QRICH1: variants seen among roughly 807,000 people sequenced by gnomAD.
QRICH1 encodes the protein transcriptional regulator QRICH1.
In QRICH1, 16 loss-of-function variants were observed where a neutral mutation model predicts 87.1. The observed-to-expected ratio is 0.18, with a 90% CI of 0.12 to 0.28. QRICH1 has a LOEUF of 0.28. Ranked by LOEUF, QRICH1 falls within the 10% of genes least tolerant of loss-of-function variation. The probability of loss-of-function intolerance (pLI) is 1.00; values close to 1 mark genes in which losing one functional copy is unlikely to be tolerated. For missense variants in QRICH1, 647 were observed against 951.7 expected, an observed-to-expected ratio of 0.68 and a Z score of 4.21; for synonymous variants, 367 against 368.4, an observed-to-expected ratio of 1.00 and a Z score of 0.05.
chr3:49,063,852 G>GCCTGAGTGGCTGGGA lies in QRICH1; in HGVS notation c.310-5963_310-5962insTCCCAGCCACTCAGG, dbSNP rs2093449867. Among the ~76,000 whole-genome samples the GCCTGAGTGGCTGGGA allele has an allele frequency of 3.3e-5, 5 of 152,206 alleles. No individual in the cohort carries two copies. The South Asian group carries it at 8.3e-4, about 25-fold the overall frequency. ...GACCCAAAAGAACTTGTTTACATAG[G>GCCTGAGTGGCTGGGA]TTATATCTAGTAATATTTACTTGTA... On this transcript the variant is annotated intron_variant, in intron 2 of 9. Coordinates refer to ENST00000395443, the MANE Select transcript of QRICH1 (RefSeq NM_198880.3).
At position 49,057,499 on chromosome 3, in the gene QRICH1, C is replaced by T. The variant is rs897524034; in HGVS notation, c.701G>A (p.Arg234Gln). ...GAGGACACTGGCCGTGCCAACCCGC[C>T]GCTCCCCTTCCCGGGGTGAGCCCTG... ...SQQGSPREGE[R>Q]RVGTASVLQP... Residue 234 changes from arginine (R) to glutamine (Q), a missense_variant, in exon 3 of 10, where the codon CGG (arginine) becomes CAG (glutamine). By Grantham distance (43) the Arg-to-Gln change is conservative. Around this residue, in one of 7 missense-constraint regions of QRICH1, gnomAD observed 75 missense variants for 141.0 expected, o/e 0.53. Transcript: ENST00000395443. The surrounding 1 kb of genome is among the most constrained non-coding windows in gnomAD (Gnocchi z 5.4). The T allele has an allele frequency of 1.9e-6, 3 of 1,613,286 alleles. No homozygotes were observed. Among genetic ancestry groups the T allele is most frequent in the East Asian group, 2.2e-5 (1 of 44,870 alleles).
At chr3:49,088,646 G>C (rs2042216797) in intron 1 of QRICH1, among the ~76,000 whole-genome samples, 1 of 133,942 alleles carries the variant, frequency 7.5e-6, no homozygotes, top group African/African-American at 2.8e-5. Flanking sequence ...TTTTTAATGA[G>C]ACAAGGTCTT....
In QRICH1 at chr3:49,030,471, T is replaced by C. The variant is rs61729488; in HGVS notation, c.2312A>G (p.Asn771Ser). Residue 771 changes from asparagine (N) to serine (S), a missense_variant, in exon 10 of 10, where the codon AAT (asparagine) becomes AGT (serine). Transcript: ENST00000395443. ...GGCATCTCAGTGCATAGTGCTTGCA[T>C]TGGCCACTGCGATGGCCTCCTGAAT... The part of the protein sequence containing the change: ...REIQEAIAVA[N>S]ASTMH 0.092 allele frequency: 149,186 copies of C among 1,613,428 alleles called. 7,591 individuals are homozygous for C. Among genetic ancestry groups the C allele is most frequent in the Non-Finnish European group, 0.1 (123,614 of 1,179,914 alleles).
chr3:49,057,363 A>G lies in QRICH1; in HGVS notation c.837T>C (p.Tyr279=), dbSNP rs763682672. The G allele has an allele frequency of 8.1e-6, 13 of 1,614,196 alleles. No homozygotes were observed. Among genetic ancestry groups the G allele is most frequent in the Admixed American group, 3.3e-5 (2 of 60,024 alleles). The change falls in exon 3 of 10, where the codon TAT becomes TAC. Residue 279 remains tyrosine, a synonymous_variant. Coordinates refer to ENST00000395443, the MANE Select transcript of QRICH1 (RefSeq NM_198880.3). The surrounding 1 kb of genome is among the most constrained non-coding windows in gnomAD (Gnocchi z 5.4). The stretch of plus-strand genomic sequence containing the variant: ...TCAGTAAGTCTGGCCTCAAAGACAC[A>G]TAACTCTGCTGCTGGCCCTGTGGAA... ...LAIPQGQQQS[Y]VSLRPDLLTV... is the part of the protein sequence containing the mutation.
chr3:49,037,073 TAAAA>T (rs60963227), intron 6 of QRICH1, among the ~76,000 whole-genome samples: 17 of 92,612 alleles, frequency 1.8e-4, no homozygotes, highest in East Asian at 3.2e-4. Context: ...CCCCGTCTCT[TAAAA>T]AAAAAAAAAA....
chr3:49,082,673 A>G (rs2042084609), intron 1 of QRICH1, among the ~76,000 whole-genome samples: 1 of 151,898 alleles, frequency 6.6e-6, no homozygotes, highest in Non-Finnish European at 1.5e-5. Context: ...AGGTGGGTGG[A>G]TCACGAGGTC....
At chr3:49,087,657 C>T (rs1209275913) in intron 1 of QRICH1, among the ~76,000 whole-genome samples, 1 of 150,688 alleles carries the variant, frequency 6.6e-6, no homozygotes, top group Admixed American at 6.6e-5. Context: ...GGGCATATCA[C>T]GAGGTCAGGA....
At chr3:49,079,837 T>C (rs1387881088) in intron 1 of QRICH1, among the ~76,000 whole-genome samples, 4 of 152,178 alleles carry the variant, frequency 2.6e-5, no homozygotes, top group African/African-American at 7.2e-5. Context: ...GAGACCAGCC[T>C]GGCCAACAAG....
chr3:49,049,378 G>C (rs1424146483), intron 3 of QRICH1, among the ~76,000 whole-genome samples: 1 of 151,910 alleles, frequency 6.6e-6, no homozygotes, highest in Non-Finnish European at 1.5e-5. Flanking sequence ...CCAGGAGACG[G>C]AGGTTACAGT....
chr3:49,040,123 AT>A (rs1414766239), intron 6 of QRICH1, among the ~76,000 whole-genome samples: 1 of 152,224 alleles, frequency 6.6e-6, no homozygotes, highest in African/African-American at 2.4e-5. Context: ...GGGGGAATTC[AT>A]TAATCTATTG....
intron 2 of QRICH1, among the ~76,000 whole-genome samples, chr3:49,059,328 T>C (rs974893891): frequency 1.3e-5 from 2 of 151,846 alleles, no homozygotes; most frequent in African/African-American, 2.4e-5. Flanking sequence ...GATAAGATGA[T>C]AGGGCACTTT....
At chr3:49,073,626 AT>A (rs1267747317) in intron 2 of QRICH1, among the ~76,000 whole-genome samples, 2 of 150,740 alleles carry the variant, frequency 1.3e-5, no homozygotes, top group African/African-American at 4.9e-5. Flanking sequence ...AATTAGCATT[AT>A]TTTTTTGTGC....
rs137933074 is a variant in QRICH1 at position 49,056,505 on chromosome 3, A to C, written c.1338+357T>G. Reference sequence around the variant, plus strand: ...AGTGTTTTGCTAAAACCATTTACTTATGATACAAGGAAACAGCACTGGGAC... The same window carrying C: ...AGTGTTTTGCTAAAACCATTTACTTCTGATACAAGGAAACAGCACTGGGAC... On this transcript the variant is annotated intron_variant, in intron 3 of 9. Coordinates refer to ENST00000395443, the MANE Select transcript of QRICH1 (RefSeq NM_198880.3). Among the ~76,000 whole-genome samples, 330 of 152,354 alleles carry C rather than the reference A, an allele frequency of 2.2e-3. 2 individuals carry two copies. Among genetic ancestry groups the C allele is most frequent in the Admixed American group, 9.9e-3 (152 of 15,300 alleles).
Position 49,032,608 on chromosome 3 carries a change from C to A in QRICH1, c.2047+14G>T, listed in dbSNP as rs201757128. On this transcript the variant is annotated intron_variant, in intron 8 of 9. Coordinates refer to ENST00000395443, the MANE Select transcript of QRICH1 (RefSeq NM_198880.3). Reference sequence around the variant, plus strand: ...GTAGCACCTGTTTTTGCCATCCCTGCCTCCTTTCCCTACCTTTCTGGCCAG... The same window carrying A: ...GTAGCACCTGTTTTTGCCATCCCTGACTCCTTTCCCTACCTTTCTGGCCAG... 3 of 1,555,076 alleles carry A rather than the reference C, an allele frequency of 1.9e-6. No homozygotes were observed. The highest frequency in any genetic ancestry group is 1.4e-5 in the African/African-American group (1 of 72,932).
intron 1 of QRICH1, among the ~76,000 whole-genome samples, chr3:49,087,955 T>C: frequency 6.6e-6 from 1 of 151,276 alleles, no homozygotes; most frequent in East Asian, 1.9e-4. Flanking sequence ...TTATTTCATT[T>C]ATTTTTTTTT....
intron 3 of QRICH1, among the ~76,000 whole-genome samples, chr3:49,053,537 G>T (rs1310269490): frequency 6.7e-6 from 1 of 150,116 alleles, no homozygotes; most frequent in African/African-American, 2.4e-5. Flanking sequence ...TGTGTTGTAT[G>T]TTGCTGTAGG....
At chr3:49,071,851 C>T (rs1393236577) in intron 2 of QRICH1, among the ~76,000 whole-genome samples, 2 of 152,138 alleles carry the variant, frequency 1.3e-5, no homozygotes, top group Non-Finnish European at 2.9e-5. Flanking sequence ...AGCCACCATA[C>T]CCAGTTAATT....
intron 2 of QRICH1, among the ~76,000 whole-genome samples, chr3:49,073,829 G>A (rs985263721): frequency 2.6e-5 from 4 of 151,460 alleles, no homozygotes; most frequent in Non-Finnish European, 4.4e-5. Flanking sequence ...TCTTATTTTT[G>A]GTAGAAACAG....
At chr3:49,076,524 TA>T (rs55985504) in intron 2 of QRICH1, among the ~76,000 whole-genome samples, 184 bp downstream of exon 2, 116,907 of 144,472 alleles carry the variant, frequency 0.81, 47,216 homozygotes, top group East Asian at 0.99. Context: ...GGGGTTTGTT[TA>T]AAAAAAAAAA....
Sources: gnomAD v4.1 joint callset for allele counts (sites outside exome capture counted in the v4.1 genomes callset) on GRCh38, gnomAD v4.1.1 for gene constraint, gnomAD v4.1.1 regional missense constraint, Gnocchi (gnomAD v3.1) non-coding constraint, MANE v1.5 for transcripts, NCBI Gene and HGNC (gene_info 2026-07-23, HGNC 2026-07-21) for gene names.